Variants in BCL6B observed in about 807,000 individuals in gnomAD.
BCL6B encodes B-cell CLL/lymphoma 6 member B protein.
In BCL6B, 28 loss-of-function variants were observed where a neutral mutation model predicts 44.6. The observed-to-expected ratio is 0.63, with a 90% CI of 0.47 to 0.86. The LOEUF is 0.86. Among genes scored for constraint, BCL6B ranks in the 40% least tolerant of loss-of-function variants. The pLI is 0.00. For synonymous variants in BCL6B, 268 were observed against 263.6 expected, an observed-to-expected ratio of 1.02 and a Z score of -0.16; for missense variants, 626 against 652.3, an observed-to-expected ratio of 0.96 and a Z score of 0.44.
At position 7,025,109 on chromosome 17, in the gene BCL6B, A is replaced by C; in HGVS notation, c.798A>C (p.Lys266Asn). The part of the protein sequence containing the change: ...LSPTAATVQF[K>N]CGAPASTPYL... ...CAACTGCTGCCACTGTGCAGTTCAA[A>C]TGTGGGGCTCCAGCCAGTACCCCCT... Residue 266 changes from lysine to asparagine, a missense_variant, in exon 5 of 9, where the codon AAA becomes AAC. Transcript: ENST00000293805. 1.2e-6 allele frequency: 2 copies of C among 1,614,022 alleles called. No homozygotes were observed. Among genetic ancestry groups the C allele is most frequent in the Non-Finnish European group, 1.7e-6 (2 of 1,179,962 alleles).
intron 2 of BCL6B, 95 bp from the exon 3 acceptor site, chr17:7,023,988 G>A (rs2151662698): frequency 1.3e-6 from 2 of 1,527,728 alleles, no homozygotes; most frequent in Non-Finnish European, 1.8e-6. Context: ...TGATAGTGAG[G>A]AGGCGGGACT....
Position 7,026,606 on chromosome 17 carries a change from C to T in BCL6B, c.1039C>T (p.Arg347Cys), listed in dbSNP as rs747226288. 6 of 1,614,020 alleles carry T rather than the reference C, an allele frequency of 3.7e-6. No homozygotes were observed. The highest frequency in any genetic ancestry group is 2.7e-5 in the African/African-American group (2 of 74,936). The change falls in exon 6 of 9, where the codon CGT becomes TGT. Residue 347 changes from arginine to cysteine, a missense_variant. Coordinates refer to ENST00000293805, the MANE Select transcript of BCL6B (RefSeq NM_181844.4). Reference sequence around the variant, plus strand: ...CTACAAGGGCAACCTTGCCAGTCATCGTACAGTGCACACAGGTAGGGGAAG... The same window carrying T: ...CTACAAGGGCAACCTTGCCAGTCATTGTACAGTGCACACAGGTAGGGGAAG... ...FRYKGNLASH[R>C]TVHTGEKPYH...
rs1216605377 is a variant in BCL6B at position 7,024,248 on chromosome 17, C to G, written c.345C>G (p.Ala115=). 6.2e-7 allele frequency: 1 copy of G among 1,613,772 alleles called. No homozygotes were observed. Among genetic ancestry groups the G allele is most frequent in the Non-Finnish European group, 8.5e-7 (1 of 1,180,026 alleles). Residue 115 remains alanine (A), a synonymous_variant, in exon 3 of 9, where the codon GCC becomes GCG. Transcript: ENST00000293805. This position sits in a 1 kb window ranked among gnomAD's most constrained non-coding sequence, Gnocchi z 6.6. The part of the protein sequence containing the change: ...PATAPAVLAA[A]TYLQMEHVVQ... ...CTGCACCAGCAGTCCTAGCGGCCGC[C>G]ACCTATTTGCAGATGGAGCACGTGG...
rs760635339 is a variant in BCL6B, at chr17:7,027,570, G to T, written c.1391G>T (p.Gly464Val). The T allele has an allele frequency of 6.2e-7, 1 of 1,613,844 alleles. No individual in the cohort carries two copies. Among genetic ancestry groups the T allele is most frequent in the Non-Finnish European group, 8.5e-7 (1 of 1,180,012 alleles). ...QLRLHLRQKH[G>V]AATNTKVHYH... is the part of the protein sequence containing the mutation. ...CGGCTGCATCTGCGCCAGAAACACG[G>T]AGCTGCTACCAACACCAAAGTGCAC... Residue 464 changes from glycine (G) to valine (V), a missense_variant, in exon 9 of 9, where the codon GGA becomes GTA. Transcript: ENST00000293805.
chr17:7,023,697 G>C lies in BCL6B; in HGVS notation c.26G>C (p.Gly9Ala), dbSNP rs868198964. The change falls in exon 2 of 9, where the codon GGA (glycine) becomes GCA (alanine). Residue 9 changes from glycine to alanine, a missense_variant. Gly to Ala is a moderately conservative substitution (Grantham distance 60). Transcript: ENST00000293805. The stretch of plus-strand genomic sequence containing the variant: ...ATGGGTTCCCCCGCCGCCCCGGAGG[G>C]AGCGCTGGGCTACGTCCGCGAGTTC... MGSPAAPE[G>A]ALGYVREFTR... The C allele has an allele frequency of 6.2e-7, 1 of 1,612,994 alleles. No homozygotes were observed. Among genetic ancestry groups the C allele is most frequent in the Middle Eastern group, 1.7e-4 (1 of 6,056 alleles).
intron 1 of BCL6B, 113 bp from the exon 2 acceptor site, chr17:7,023,547 G>C: frequency 9.5e-7 from 1 of 1,049,048 alleles, no homozygotes. Context: ...GTGTGCCGGG[G>C]CTAGGGGCTG....
chr17:7,029,584 G>A lies in BCL6B; in HGVS notation c.*1965G>A. 8.7e-7 allele frequency: 1 copy of A among 1,155,180 alleles called. No homozygotes were observed. Among genetic ancestry groups the A allele is most frequent in the Non-Finnish European group, 1.1e-6 (1 of 923,514 alleles). 71.6% of individuals were successfully genotyped at this position (1,155,180 alleles called of 1,614,324 possible). A position where few individuals can be genotyped will look rare whatever the true frequency, so the allele number is the denominator to read the frequency against. ...GGATGGGCAGGTGGAGAATGCCTGGGGGTAGAAATGTTAGATCTTGCAACA... is the reference window on the plus strand; with the variant it reads ...GGATGGGCAGGTGGAGAATGCCTGGAGGTAGAAATGTTAGATCTTGCAACA... On this transcript the variant is annotated 3_prime_UTR_variant, in exon 9 of 9. Coordinates refer to ENST00000293805, the MANE Select transcript of BCL6B (RefSeq NM_181844.4).
At chr17:7,027,181 A>G (rs2151664529) in intron 8 of BCL6B, 94 bp downstream of exon 8, 1 of 1,508,906 alleles carries the variant, frequency 6.6e-7, no homozygotes, top group Non-Finnish European at 9.0e-7. Flanking sequence ...CTGTCCCTAG[A>G]TCTCTTAGAA....
At chr17:7,025,334 A>C in intron 5 of BCL6B, 134 bp downstream of exon 5, 2 of 1,260,606 alleles carry the variant, frequency 1.6e-6, no homozygotes, top group Non-Finnish European at 2.2e-6. Flanking sequence ...GAAGCTTTTA[A>C]ACTCCCACTG....
At position 7,028,764 on chromosome 17, in the gene BCL6B, C is replaced by T; in HGVS notation, c.*1145C>T. On this transcript the variant is annotated 3_prime_UTR_variant, in exon 9 of 9. Transcript: ENST00000293805. ...TATGGCCTAGGGAAGAATCATGAAA[C>T]TCTTTAGCTTGATTAGATGGTAAAC... 2.0e-6 allele frequency: 2 copies of T among 985,452 alleles called. No homozygotes were observed. Among genetic ancestry groups the T allele is most frequent in the Non-Finnish European group, 2.4e-6 (2 of 829,934 alleles). 61.0% of individuals were successfully genotyped at this position (985,452 alleles called of 1,614,324 possible). A position where few individuals can be genotyped will look rare whatever the true frequency, so the allele number is the denominator to read the frequency against.
Position 7,028,671 on chromosome 17 carries a change from G to GA in BCL6B, c.*1053dup. 1 of 985,456 alleles carries GA rather than the reference G, an allele frequency of 1.0e-6. No individual in the cohort carries two copies. The highest frequency in any genetic ancestry group is 1.2e-6 in the Non-Finnish European group (1 of 829,948). The allele number at this position is 985,456 out of a possible 1,614,324, so 61.0% of individuals were successfully genotyped here. A position where few individuals can be genotyped will look rare whatever the true frequency, so the allele number is the denominator to read the frequency against. On this transcript the variant is annotated 3_prime_UTR_variant, in exon 9 of 9. Coordinates refer to ENST00000293805, the MANE Select transcript of BCL6B (RefSeq NM_181844.4). ...GCACTGAGTTGATCGCTCCATGGGG[G>GA]AGAGATCAGACATTCCTTATCAGAG...
intron 1 of BCL6B, 111 bp from the exon 2 acceptor site, chr17:7,023,549 T>C (rs2151662406): frequency 9.3e-7 from 1 of 1,072,938 alleles, no homozygotes; most frequent in East Asian, 2.6e-5. Context: ...GTGCCGGGGC[T>C]AGGGGCTGGA....
Position 7,024,124 on chromosome 17 carries a change from G to C in BCL6B, c.221G>C (p.Gly74Ala). ...YSIFRGRAGVGVDVLSLPGGP... is the reference protein window; with the variant it reads ...YSIFRGRAGVAVDVLSLPGGP... ...ATTTTCCGGGGCCGTGCGGGAGTCG[G>C]GGTGGACGTGCTCTCTCTGCCCGGG... Residue 74 changes from glycine to alanine, a missense_variant, in exon 3 of 9, where the codon GGG becomes GCG. Coordinates refer to ENST00000293805, the MANE Select transcript of BCL6B (RefSeq NM_181844.4). This position sits in a 1 kb window ranked among gnomAD's most constrained non-coding sequence, Gnocchi z 6.6. 1.9e-6 allele frequency: 3 copies of C among 1,614,050 alleles called. No homozygotes were observed. The highest frequency in any genetic ancestry group is 2.5e-6 in the Non-Finnish European group (3 of 1,180,034).
At chr17:7,027,161 G>T in intron 8 of BCL6B, 74 bp downstream of exon 8, 1 of 1,567,594 alleles carries the variant, frequency 6.4e-7, no homozygotes. Context: ...TCTGAGAGGT[G>T]CGGGCCTGGC....
rs1181256369 is a variant in BCL6B, at chr17:7,029,621, GA to G, written c.*2004del. The G allele has an allele frequency of 8.4e-7, 1 of 1,183,628 alleles. No homozygotes were observed. Among genetic ancestry groups the G allele is most frequent in the Non-Finnish European group, 1.1e-6 (1 of 938,088 alleles). The allele number at this position is 1,183,628 out of a possible 1,614,324, so 73.3% of individuals were successfully genotyped here. ...TAGATCTTGCAACATCAGATCCTTGGAATAAAGAAGCCTCTCTGTGCTGCCT... is the reference window on the plus strand; with the variant it reads ...TAGATCTTGCAACATCAGATCCTTGGATAAAGAAGCCTCTCTGTGCTGCCT... On this transcript the variant is annotated 3_prime_UTR_variant, in exon 9 of 9. Coordinates refer to ENST00000293805, the MANE Select transcript of BCL6B (RefSeq NM_181844.4).
chr17:7,026,083 A>G (rs1910279668), intron 5 of BCL6B, among the ~76,000 whole-genome samples: 1 of 151,906 alleles, frequency 6.6e-6, no homozygotes, highest in African/African-American at 2.4e-5. Context: ...CACCACACCC[A>G]GCTACTTTTT....
At position 7,029,106 on chromosome 17, in the gene BCL6B, G is replaced by C; in HGVS notation, c.*1487G>C. 1 of 985,516 alleles carries C rather than the reference G, an allele frequency of 1.0e-6. No individual in the cohort carries two copies. The highest frequency in any genetic ancestry group is 1.2e-6 in the Non-Finnish European group (1 of 829,988). 61.0% of individuals were successfully genotyped at this position (985,516 alleles called of 1,614,324 possible). ...TGTAGTTTGGTTGGGATTATTGTTG[G>C]CATTACAGATGTAAAAGATTGACTA... On this transcript the variant is annotated 3_prime_UTR_variant, in exon 9 of 9. Coordinates refer to ENST00000293805, the MANE Select transcript of BCL6B (RefSeq NM_181844.4).
intron 5 of BCL6B, 64 bp downstream of exon 5, chr17:7,025,264 T>C: frequency 6.3e-7 from 1 of 1,594,614 alleles, no homozygotes; most frequent in Non-Finnish European, 8.6e-7. Flanking sequence ...TGCCAAAAAC[T>C]CTCCCAGAAA....
Position 7,027,586 on chromosome 17 carries a change from CA to C in BCL6B, c.1410del (p.Val471CysfsTer11). 30 of 1,613,742 alleles carry C rather than the reference CA, an allele frequency of 1.9e-5. No homozygotes were observed. The highest frequency in any genetic ancestry group is 2.5e-5 in the Non-Finnish European group (30 of 1,180,000). ...RQKHGAATNT[K>X]VHYHILGGP ...AGAAACACGGAGCTGCTACCAACACCAAAGTGCACTACCACATTCTCGGGGG... is the reference window on the plus strand; with the variant it reads ...AGAAACACGGAGCTGCTACCAACACCAAGTGCACTACCACATTCTCGGGGG... On this transcript the variant is annotated frameshift_variant, in exon 9 of 9. Coordinates refer to ENST00000293805, the MANE Select transcript of BCL6B (RefSeq NM_181844.4). LOFTEE classifies it high-confidence loss of function.
Sources: gnomAD v4.1 joint callset for allele counts (sites outside exome capture counted in the v4.1 genomes callset) on GRCh38, gnomAD v4.1.1 for gene constraint, Gnocchi (gnomAD v3.1) non-coding constraint, MANE v1.5 for transcripts, NCBI Gene and HGNC (gene_info 2026-07-23, HGNC 2026-07-21) for gene names.